PAPPA2: variants seen among roughly 807,000 people sequenced by gnomAD.
The protein encoded by PAPPA2 is pappalysin-2.
PAPPA2 carries 86 observed loss-of-function variants against 176.4 expected under a neutral mutation model. The ratio of observed to expected loss-of-function variants is 0.49; its 90% CI spans 0.41 to 0.58. PAPPA2 has a LOEUF of 0.58. Ranked by LOEUF, PAPPA2 falls within the 20% of genes least tolerant of loss-of-function variation. The pLI is 0.00. For synonymous variants in PAPPA2, 809 were observed against 852.2 expected, an observed-to-expected ratio of 0.95 and a Z score of 0.88; for missense variants, 2,073 against 2,256.9, an observed-to-expected ratio of 0.92 and a Z score of 1.65.
At chr1:176,735,477 G>T (rs776503453) in intron 12 of PAPPA2, among the ~76,000 whole-genome samples, 1 of 152,104 alleles carries the variant, frequency 6.6e-6, no homozygotes, top group Admixed American at 6.6e-5. Context: ...GAAATGCTTG[G>T]CTTGGGAGCA....
chr1:176,693,936 T>C (rs1412576812), intron 6 of PAPPA2, among the ~76,000 whole-genome samples: 1 of 152,214 alleles, frequency 6.6e-6, no homozygotes, highest in Non-Finnish European at 1.5e-5. Flanking sequence ...CTCTCTCTGG[T>C]ACAAACGTTA....
At chr1:176,803,520 T>C (rs576049798) in intron 21 of PAPPA2, among the ~76,000 whole-genome samples, 4 of 152,296 alleles carry the variant, frequency 2.6e-5, no homozygotes, top group Admixed American at 1.3e-4. Flanking sequence ...ACAAATGACT[T>C]GGAGACATCG....
intron 17 of PAPPA2, among the ~76,000 whole-genome samples, chr1:176,779,568 C>A (rs1664624835): frequency 6.7e-6 from 1 of 150,352 alleles, no homozygotes. Context: ...ATCTTCTGAT[C>A]ATCAGGGATA....
intron 21 of PAPPA2, among the ~76,000 whole-genome samples, chr1:176,817,740 A>G (rs1666464677): frequency 6.7e-6 from 1 of 150,000 alleles, no homozygotes; most frequent in African/African-American, 2.5e-5. Context: ...AAAAAAAAAA[A>G]GAAAGAAAGA....
chr1:176,818,399 A>G (rs764025164), intron 21 of PAPPA2, among the ~76,000 whole-genome samples: 1 of 152,168 alleles, frequency 6.6e-6, no homozygotes, highest in African/African-American at 2.4e-5. Flanking sequence ...AAGGTATTTT[A>G]TATGCAATGG....
At chr1:176,741,833 T>G (rs1213883308) in intron 14 of PAPPA2, among the ~76,000 whole-genome samples, 1 of 152,206 alleles carries the variant, frequency 6.6e-6, no homozygotes, top group East Asian at 1.9e-4. Context: ...AAAATAACAT[T>G]TATTAGAATT....
At chr1:176,486,467 A>AATAT (rs1419424948) in intron 1 of PAPPA2, among the ~76,000 whole-genome samples, 5 of 152,196 alleles carry the variant, frequency 3.3e-5, no homozygotes, top group African/African-American at 1.2e-4. Flanking sequence ...TGCACTGTAG[A>AATAT]ATATGTACAA....
intron 6 of PAPPA2, among the ~76,000 whole-genome samples, chr1:176,692,534 C>A (rs1444402216): frequency 6.6e-6 from 1 of 152,210 alleles, no homozygotes; most frequent in South Asian, 2.1e-4. Flanking sequence ...AGTGCTCACT[C>A]CCCCCTCAGG....
In PAPPA2 at chr1:176,668,849, T is replaced by C. The variant is rs1658822992; in HGVS notation, c.1992-2121T>C. 2.0e-5 allele frequency among the ~76,000 whole-genome samples: 3 copies of C among 152,140 alleles called. No homozygotes were observed. In the South Asian group the frequency reaches 6.2e-4, roughly 32 times the overall value. On this transcript the variant is annotated intron_variant, in intron 3 of 22. Coordinates refer to ENST00000367662, the MANE Select transcript of PAPPA2 (RefSeq NM_020318.3). ...CAGGAGTCTGAGTAACCATACCCAG[T>C]TTGCCACCAGCATGACATAAATACT...
intron 1 of PAPPA2, among the ~76,000 whole-genome samples, chr1:176,503,737 G>A (rs2102512491): frequency 6.6e-6 from 1 of 152,286 alleles, no homozygotes; most frequent in East Asian, 1.9e-4. Flanking sequence ...GTAAGGATTA[G>A]GCAGAGGATT....
chr1:176,840,971 C>A (rs1044950176), intron 22 of PAPPA2, among the ~76,000 whole-genome samples: 1 of 152,140 alleles, frequency 6.6e-6, no homozygotes, highest in East Asian at 1.9e-4. Context: ...AAAACCATAC[C>A]TACCATGATA....
intron 1 of PAPPA2, among the ~76,000 whole-genome samples, chr1:176,485,077 TAC>T (rs1379861464): frequency 6.6e-6 from 1 of 152,208 alleles, no homozygotes; most frequent in Non-Finnish European, 1.5e-5. Flanking sequence ...TACTTGTTAG[TAC>T]AGAGTGACAA....
At chr1:176,832,648 C>T (rs908752664) in intron 21 of PAPPA2, among the ~76,000 whole-genome samples, 3 of 152,102 alleles carry the variant, frequency 2.0e-5, no homozygotes, top group East Asian at 1.9e-4. Context: ...TCACTGCACC[C>T]GGCCATATTC....
intron 14 of PAPPA2, among the ~76,000 whole-genome samples, chr1:176,753,254 C>G (rs1204303963): frequency 3.3e-5 from 5 of 152,190 alleles, no homozygotes; most frequent in Non-Finnish European, 7.3e-5. Context: ...AGTACTTTGC[C>G]ATTCCATCCC....
At chr1:176,627,661 CTT>C (rs977163620) in intron 3 of PAPPA2, among the ~76,000 whole-genome samples, 15 of 152,162 alleles carry the variant, frequency 9.9e-5, no homozygotes, top group Non-Finnish European at 2.1e-4. Flanking sequence ...TCAAGATACT[CTT>C]TGAGGGTGTA....
chr1:176,560,054 T>A (rs1373692952), intron 2 of PAPPA2, among the ~76,000 whole-genome samples: 1 of 152,200 alleles, frequency 6.6e-6, no homozygotes, highest in African/African-American at 2.4e-5. Flanking sequence ...TAGTGGGGAA[T>A]GTCTCTGATT....
intron 1 of PAPPA2, among the ~76,000 whole-genome samples, chr1:176,550,114 G>A (rs1483725565): frequency 6.6e-6 from 1 of 152,206 alleles, no homozygotes; most frequent in African/African-American, 2.4e-5. Flanking sequence ...AGCCCTTTAA[G>A]TCTGGCTTCT....
At chr1:176,586,581 T>C (rs1030427561) in intron 2 of PAPPA2, among the ~76,000 whole-genome samples, 1 of 152,198 alleles carries the variant, frequency 6.6e-6, no homozygotes, top group African/African-American at 2.4e-5. Context: ...CTGAGGATGA[T>C]GACTTCAAGC....
At chr1:176,571,462 T>G (rs1199336508) in intron 2 of PAPPA2, among the ~76,000 whole-genome samples, 2 of 152,208 alleles carry the variant, frequency 1.3e-5, no homozygotes, top group Non-Finnish European at 2.9e-5. Context: ...ATACAAACTA[T>G]GTGTTGAGAG....
Sources: gnomAD v4.1 joint callset for allele counts (sites outside exome capture counted in the v4.1 genomes callset) on GRCh38, gnomAD v4.1.1 for gene constraint, MANE v1.5 for transcripts, NCBI Gene and HGNC (gene_info 2026-07-23, HGNC 2026-07-21) for gene names.